The following COG5 variants were observed in gnomAD, a reference collection of about 807,000 sequenced individuals.
The protein encoded by COG5 is conserved oligomeric Golgi complex subunit 5.
A neutral mutation model predicts 110.4 loss-of-function variants in COG5; 86 were observed. The ratio of observed to expected loss-of-function variants is 0.78; its 90% CI spans 0.65 to 0.93. The LOEUF (loss-of-function observed/expected upper bound fraction) is 0.93, where lower values mean the gene tolerates loss of function less well. Among genes scored for constraint, COG5 ranks in the 40% least tolerant of loss-of-function variants. The pLI is 0.00. For synonymous variants in COG5, 360 were observed against 334.6 expected (o/e 1.08, Z -0.83); for missense variants, 1,077 against 987.0 (o/e 1.09, Z -1.22).
At position 107,365,094 on chromosome 7, in the gene COG5, G is replaced by T. The variant is rs1025567040; in HGVS notation, c.836-2674C>A. Among the ~76,000 whole-genome samples the T allele has an allele frequency of 3.5e-4, 53 of 151,990 alleles. 3 individuals carry two copies. Among genetic ancestry groups the T allele is most frequent in the Admixed American group, 2.8e-3 (42 of 15,260 alleles). On this transcript the variant is annotated intron_variant, in intron 8 of 21. Coordinates refer to ENST00000297135, the MANE Select transcript of COG5 (RefSeq NM_006348.5). Reference sequence around the variant, plus strand: ...TATGACTTGGTTTTATTATAATTATGAAACCCTTTAACCTATTATTCTTTT... The same window carrying T: ...TATGACTTGGTTTTATTATAATTATTAAACCCTTTAACCTATTATTCTTTT...
intron 7 of COG5, among the ~76,000 whole-genome samples, chr7:107,375,100 T>C (rs1057273997): frequency 6.6e-6 from 1 of 152,086 alleles, no homozygotes; most frequent in Non-Finnish European, 1.5e-5. Context: ...TTTTTGAATT[T>C]CACATAAATG....
intron 12 of COG5, among the ~76,000 whole-genome samples, chr7:107,285,042 T>A (rs1026348064): frequency 6.6e-6 from 1 of 152,230 alleles, no homozygotes; most frequent in Non-Finnish European, 1.5e-5. Flanking sequence ...AATTCCATAG[T>A]TATCTCTTAA....
intron 6 of COG5, among the ~76,000 whole-genome samples, chr7:107,493,258 G>A (rs1044719258): frequency 1.3e-5 from 2 of 152,120 alleles, no homozygotes; most frequent in Admixed American, 6.6e-5. Context: ...AGAACTGTGA[G>A]ATACTACATT....
At chr7:107,321,691 A>G (rs918205733) in intron 11 of COG5, among the ~76,000 whole-genome samples, 3 of 152,194 alleles carry the variant, frequency 2.0e-5, no homozygotes, top group African/African-American at 7.2e-5. Flanking sequence ...TTTTGGAGCC[A>G]TATGTTCTAA....
At chr7:107,225,692 T>C (rs1052019147) in intron 19 of COG5, among the ~76,000 whole-genome samples, 34 of 152,168 alleles carry the variant, frequency 2.2e-4, no homozygotes, top group African/African-American at 5.8e-4. Context: ...TTTCTATCTT[T>C]TGTAAAGACA....
At chr7:107,293,000 C>T (rs1806300801) in intron 12 of COG5, among the ~76,000 whole-genome samples, 1 of 152,102 alleles carries the variant, frequency 6.6e-6, no homozygotes, top group Non-Finnish European at 1.5e-5. Context: ...ATAAAAAACT[C>T]TCCTCCTCTC....
At chr7:107,386,454 A>C (rs1239390296) in intron 7 of COG5, among the ~76,000 whole-genome samples, 1 of 152,056 alleles carries the variant, frequency 6.6e-6, no homozygotes, top group Non-Finnish European at 1.5e-5. Context: ...CCGTGTGAGG[A>C]ACGCTGCGGA....
chr7:107,239,091 C>CA (rs1393384920), intron 17 of COG5, among the ~76,000 whole-genome samples: 1 of 152,172 alleles, frequency 6.6e-6, no homozygotes, highest in Non-Finnish European at 1.5e-5. Context: ...GTTTTAGTTT[C>CA]AGGTGTTACA....
intron 5 of COG5, among the ~76,000 whole-genome samples, chr7:107,530,368 A>T (rs1451950984): frequency 6.6e-6 from 1 of 152,130 alleles, no homozygotes; most frequent in Non-Finnish European, 1.5e-5. Flanking sequence ...TTGGGAGGCC[A>T]AGGCGGGCGG....
intron 11 of COG5, among the ~76,000 whole-genome samples, chr7:107,323,207 C>G (rs1809455610): frequency 6.6e-6 from 1 of 152,156 alleles, no homozygotes; most frequent in African/African-American, 2.4e-5. Context: ...TATTTATTCC[C>G]TCCCAAAATG....
intron 11 of COG5, among the ~76,000 whole-genome samples, chr7:107,320,153 T>G (rs1423759811): frequency 6.6e-6 from 1 of 152,184 alleles, no homozygotes; most frequent in Non-Finnish European, 1.5e-5. Flanking sequence ...TAAAAAATTG[T>G]GTCAACACTG....
At chr7:107,561,959 G>C (rs549173061) in intron 1 of COG5, among the ~76,000 whole-genome samples, 2 of 151,872 alleles carry the variant, frequency 1.3e-5, no homozygotes, top group African/African-American at 4.8e-5. Flanking sequence ...CTGGGCAACA[G>C]CGCGAGACTC....
intron 1 of COG5, among the ~76,000 whole-genome samples, chr7:107,560,041 A>G (rs1211044684): frequency 6.6e-6 from 1 of 152,240 alleles, no homozygotes; most frequent in Non-Finnish European, 1.5e-5. Flanking sequence ...TGGCAGCTGT[A>G]TAGAGGATGA....
intron 6 of COG5, among the ~76,000 whole-genome samples, chr7:107,485,176 C>A (rs1046608339): frequency 6.6e-6 from 1 of 152,146 alleles, no homozygotes; most frequent in Non-Finnish European, 1.5e-5. Context: ...AGAGCTGAAG[C>A]GAAGACTAAA....
At chr7:107,558,914 C>CAA (rs34483652) in intron 1 of COG5, among the ~76,000 whole-genome samples, 353 of 31,104 alleles carry the variant, frequency 0.011, 4 homozygotes, top group African/African-American at 0.026. Context: ...GACTTCATCT[C>CAA]AAAAAAAAAA....
Position 107,236,650 on chromosome 7 carries a change from A to G in COG5, c.1891T>C (p.Ser631Pro). ...SSSGKPDVPC[S>P]LYMKELQGFI... is the part of the protein sequence containing the mutation. Reference sequence around the variant, plus strand: ...CCTTGTAGCTCCTTCATGTACAGAGAACAAGGAACATCAGGTTTTCCTGAG... The same window carrying G: ...CCTTGTAGCTCCTTCATGTACAGAGGACAAGGAACATCAGGTTTTCCTGAG... Residue 631 changes from serine (S) to proline (P), a missense_variant, in exon 18 of 22, where the codon TCT becomes CCT. Coordinates refer to ENST00000297135, the MANE Select transcript of COG5 (RefSeq NM_006348.5). The G allele has an allele frequency of 6.2e-7, 1 of 1,614,156 alleles. No individual in the cohort carries two copies. Among genetic ancestry groups the G allele is most frequent in the Non-Finnish European group, 8.5e-7 (1 of 1,180,002 alleles).
intron 5 of COG5, among the ~76,000 whole-genome samples, chr7:107,539,103 G>A (rs1010110206): frequency 2.0e-5 from 3 of 152,024 alleles, no homozygotes; most frequent in Middle Eastern, 6.8e-3. Context: ...CATAGTGAGA[G>A]ACACTGTCTA....
At chr7:107,548,011 C>G (rs570516246) in intron 5 of COG5, 100 bp downstream of exon 5, 1 of 960,884 alleles carries the variant, frequency 1.0e-6, no homozygotes, top group South Asian at 1.4e-5. Flanking sequence ...ACCTTCTGTT[C>G]CCATTCTCTT....
chr7:107,380,308 A>G (rs1165616229), intron 7 of COG5, among the ~76,000 whole-genome samples: 2 of 152,214 alleles, frequency 1.3e-5, no homozygotes, highest in Non-Finnish European at 2.9e-5. Context: ...AGAAATAACT[A>G]ACATCAGAGC....
Sources: gnomAD v4.1 joint callset for allele counts (sites outside exome capture counted in the v4.1 genomes callset) on GRCh38, gnomAD v4.1.1 for gene constraint, MANE v1.5 for transcripts, NCBI Gene and HGNC (gene_info 2026-07-23, HGNC 2026-07-21) for gene names.